ANO1: variants seen among roughly 807,000 people sequenced by gnomAD.
ANO1 encodes anoctamin-1.
In ANO1, 59 loss-of-function variants were observed where a neutral mutation model predicts 124.0. That is an observed-to-expected ratio of 0.48 (90% CI 0.39 to 0.59). ANO1 has a LOEUF of 0.59. ANO1 is among the 20% of genes least tolerant of loss of function. ANO1 has a pLI of 0.00. For missense variants in ANO1, 1,059 were observed against 1,328.0 expected (o/e 0.80, Z 3.15); for synonymous variants, 529 against 532.0 (o/e 0.99, Z 0.08).
chr11:70,066,105 G>A (rs781868074), intron 1 of ANO1, among the ~76,000 whole-genome samples: 7 of 152,216 alleles, frequency 4.6e-5, no homozygotes, highest in Admixed American at 6.5e-5. Context: ...ACCCAGCCCC[G>A]GTTCTGTGTC....
intron 1 of ANO1, among the ~76,000 whole-genome samples, chr11:70,045,840 G>C (rs1187437816): frequency 6.6e-6 from 1 of 152,196 alleles, no homozygotes; most frequent in African/African-American, 2.4e-5. Flanking sequence ...GAAAAATTGA[G>C]AAAGATATGA....
At chr11:70,049,331 C>A (rs1290157309) in intron 1 of ANO1, among the ~76,000 whole-genome samples, 1 of 152,226 alleles carries the variant, frequency 6.6e-6, no homozygotes, top group African/African-American at 2.4e-5. Context: ...CTCTGCTGTT[C>A]ACAGCCAGGT....
chr11:70,170,974 G>T lies in ANO1; in HGVS notation c.2285G>T (p.Arg762Leu). Residue 762 changes from arginine to leucine, a missense_variant, in exon 22 of 26, where the codon CGC (arginine) becomes CTC (leucine). Arg to Leu is a moderately radical substitution (Grantham distance 102). Transcript: ENST00000355303. The part of the protein sequence containing the change: ...FALLNNIIEI[R>L]LDAKKFVTEL... ...CTGCTGAACAACATCATCGAGATCC[G>T]CCTGGACGCCAAAAAGTTTGTCACT... The T allele has an allele frequency of 6.2e-7, 1 of 1,612,902 alleles. No individual in the cohort carries two copies. The highest frequency in any genetic ancestry group is 1.1e-5 in the South Asian group (1 of 90,834).
intron 1 of ANO1, among the ~76,000 whole-genome samples, chr11:69,999,051 A>G (rs1351200782): frequency 6.7e-6 from 1 of 149,210 alleles, no homozygotes; most frequent in Non-Finnish European, 1.5e-5. Context: ...AAAAAAAGAG[A>G]TTTTTTAAAA....
rs1182713351 is a variant in ANO1 at position 70,010,168 on chromosome 11, CGT to C, written c.58+24013_58+24014del. On this transcript the variant is annotated intron_variant, in intron 1 of 27. Transcript: ENST00000531349. Reference sequence around the variant, plus strand: ...GTGTGTGTGTGTGTGTGTGTGTGCGCGTGTGTGTGTGTATATATATATATATA... The same window carrying C: ...GTGTGTGTGTGTGTGTGTGTGTGCGCGTGTGTGTGTATATATATATATATA... Among the ~76,000 whole-genome samples, 50 of 70,340 alleles carry C rather than the reference CGT, an allele frequency of 7.1e-4. 3 individuals carry two copies. The highest frequency in any genetic ancestry group is 2.4e-3 in the African/African-American group (44 of 18,574). 46.1% of individuals were successfully genotyped at this position (70,340 alleles called of 152,430 possible).
intron 2 of ANO1, among the ~76,000 whole-genome samples, chr11:70,099,205 G>A (rs2045149250): frequency 6.6e-6 from 1 of 152,194 alleles, no homozygotes; most frequent in Non-Finnish European, 1.5e-5. Flanking sequence ...GGGGCGAAGG[G>A]GACACGGCTG....
At chr11:69,994,439 G>A (rs563557702) in intron 1 of ANO1, among the ~76,000 whole-genome samples, 1 of 152,096 alleles carries the variant, frequency 6.6e-6, no homozygotes, top group Non-Finnish European at 1.5e-5. Context: ...TGAATGGATA[G>A]AGAGATGGAA....
At chr11:70,159,996 T>C (rs1446581177) in intron 16 of ANO1, among the ~76,000 whole-genome samples, 3 of 151,748 alleles carry the variant, frequency 2.0e-5, no homozygotes, top group East Asian at 2.0e-4. Flanking sequence ...GCCCAGAACA[T>C]GAAATAAGAG....
At chr11:70,001,852 T>C (rs1417385658) in intron 1 of ANO1, among the ~76,000 whole-genome samples, 2 of 152,096 alleles carry the variant, frequency 1.3e-5, no homozygotes, top group African/African-American at 2.4e-5. Flanking sequence ...CAGGCTGGAG[T>C]GCAGTGGTGC....
chr11:69,991,730 T>C (rs1230393268), intron 1 of ANO1, among the ~76,000 whole-genome samples: 3 of 152,206 alleles, frequency 2.0e-5, no homozygotes, highest in Admixed American at 6.5e-5. Context: ...AGGGATACAG[T>C]GTATCCACAA....
At chr11:70,152,376 G>A in intron 12 of ANO1, 74 bp from the exon 13 acceptor site, 2 of 1,342,938 alleles carry the variant, frequency 1.5e-6, no homozygotes, top group Non-Finnish European at 2.1e-6. Flanking sequence ...TAGTGGACAG[G>A]TCCTATTTCT....
rs1591031873 is a variant in ANO1 at position 70,010,169 on chromosome 11, G to GTGTA, written c.58+24006_58+24007insATGT. Among the ~76,000 whole-genome samples, 22 of 22,694 alleles carry GTGTA rather than the reference G, an allele frequency of 9.7e-4. 1 individual carries two copies. The East Asian group carries it at 0.071, about 74-fold the overall frequency. 14.9% of individuals were successfully genotyped at this position (22,694 alleles called of 152,430 possible). A position where few individuals can be genotyped will look rare whatever the true frequency, so the allele number is the denominator to read the frequency against. ...TGTGTGTGTGTGTGTGTGTGTGCGC[G>GTGTA]TGTGTGTGTGTATATATATATATAT... On this transcript the variant is annotated intron_variant, in intron 1 of 27. Coordinates refer to the ANO1 transcript ENST00000531349.
At chr11:70,010,159 GTGTGT>G (rs1565159657) in intron 1 of ANO1, among the ~76,000 whole-genome samples, 1 of 52,492 alleles carries the variant, frequency 1.9e-5, no homozygotes, top group African/African-American at 6.5e-5. Flanking sequence ...GTGTGTGTGT[GTGTGT>G]GCGCGTGTGT....
intron 11 of ANO1, among the ~76,000 whole-genome samples, chr11:70,145,661 G>A (rs933023440): frequency 6.6e-6 from 1 of 152,154 alleles, no homozygotes; most frequent in Non-Finnish European, 1.5e-5. Flanking sequence ...TCAATGCCAG[G>A]TGCAGTGGCT....
At chr11:70,079,937 A>G (rs1565178752) in intron 1 of ANO1, among the ~76,000 whole-genome samples, 1 of 152,336 alleles carries the variant, frequency 6.6e-6, no homozygotes, top group East Asian at 1.9e-4. Context: ...TGCCAGGAGC[A>G]CTGGGAACAG....
chr11:70,103,563 G>T (rs2515256), intron 3 of ANO1, among the ~76,000 whole-genome samples: 151,494 of 152,324 alleles, frequency 0.99, 75,336 homozygotes, highest in Middle Eastern at 1. Context: ...TCTGGCTTAC[G>T]GGGATTTTTC....
In ANO1 at chr11:70,156,928, G is replaced by C; in HGVS notation, c.1504-19G>C. 6.2e-7 allele frequency: 1 copy of C among 1,611,250 alleles called. No individual in the cohort carries two copies. Among genetic ancestry groups the C allele is most frequent in the Non-Finnish European group, 8.5e-7 (1 of 1,178,206 alleles). Reference sequence around the variant, plus strand: ...TCGTGATGGTTCCAGACAGTGACCGGCATTGTTTTGTGTTGTAGACTGACA... The same window carrying C: ...TCGTGATGGTTCCAGACAGTGACCGCCATTGTTTTGTGTTGTAGACTGACA... On this transcript the variant is annotated intron_variant, in intron 15 of 25. Transcript: ENST00000355303.
In ANO1 at chr11:70,085,066, G is replaced by A. The variant is rs1039994657; in HGVS notation, c.109-2686G>A. 7.9e-5 allele frequency among the ~76,000 whole-genome samples: 12 copies of A among 152,260 alleles called. No individual in the cohort carries two copies. In the East Asian group the frequency reaches 9.7e-4, roughly 12 times the overall value. On this transcript the variant is annotated intron_variant, in intron 1 of 25. Transcript: ENST00000355303. ...TACTAAGGGGGGCCGCACCTTGGGC[G>A]TGCAGATGGGACTTGAGGCTGAGCT...
chr11:70,124,806 G>A lies in ANO1; in HGVS notation c.962+392G>A, dbSNP rs58259801. Among the ~76,000 whole-genome samples the A allele has an allele frequency of 3.1e-3, 478 of 152,310 alleles. 6 individuals carry two copies. The highest frequency in any genetic ancestry group is 0.011 in the African/African-American group (445 of 41,568). ...CCTCACAGGGCAGGAAGGAGGGGCC[G>A]ACCAGGTTAGGCAACTTGCCCGCCA... On this transcript the variant is annotated intron_variant, in intron 9 of 25. Coordinates refer to ENST00000355303, the MANE Select transcript of ANO1 (RefSeq NM_018043.7).
Sources: allele counts gnomAD v4.1 joint callset (sites outside exome capture counted in the v4.1 genomes callset), GRCh38; gene constraint gnomAD v4.1.1; transcripts MANE v1.5; gene names NCBI Gene and HGNC (gene_info 2026-07-23, HGNC 2026-07-21).